Variants in MAPT observed in about 807,000 individuals in gnomAD.
MAPT encodes microtubule associated protein tau.
MAPT carries 34 observed loss-of-function variants against 67.9 expected under a neutral mutation model. That is an observed-to-expected ratio of 0.50 (90% CI 0.38 to 0.67). The LOEUF (loss-of-function observed/expected upper bound fraction) is 0.67. Among genes scored for constraint, MAPT ranks in the 30% least tolerant of loss-of-function variants. MAPT has a pLI of 0.00. For synonymous variants in MAPT, 456 were observed against 464.5 expected (o/e 0.98, Z 0.23); for missense variants, 881 against 1,115.2 (o/e 0.79, Z 2.99).
intron 1 of MAPT, among the ~76,000 whole-genome samples, chr17:45,935,339 G>A (rs1030957019): frequency 1.3e-5 from 2 of 152,016 alleles, no homozygotes; most frequent in African/African-American, 4.8e-5. Flanking sequence ...TCCTAATGCA[G>A]TCCTGGCCTC....
intron 1 of MAPT, among the ~76,000 whole-genome samples, chr17:45,907,303 A>G (rs62056809): frequency 0.14 from 21,720 of 151,902 alleles, 2,093 homozygotes; most frequent in Middle Eastern, 0.22. Flanking sequence ...CTCAGTGTCC[A>G]TCTTCCCCGA....
At chr17:46,006,979 TAAATA>T (rs755854723) in intron 9 of MAPT, among the ~76,000 whole-genome samples, 26,028 of 113,082 alleles carry the variant, frequency 0.23, 2,529 homozygotes, top group East Asian at 0.3. Flanking sequence ...TAAAATAAAA[TAAATA>T]AAATAAAATA....
rs967739144 is a variant in MAPT at position 45,984,168 on chromosome 17, C to T, written c.1351+238C>T. ...CCACTCTGCATGTCACCAGCACCCC[C>T]GCTCCGTGCTACCCACCTTGTTTGA... On this transcript the variant is annotated intron_variant, in intron 5 of 12. Coordinates refer to ENST00000262410, the MANE Select transcript of MAPT (RefSeq NM_001377265.1). 5.3e-5 allele frequency among the ~76,000 whole-genome samples: 8 copies of T among 152,236 alleles called. No individual in the cohort carries two copies. In the East Asian group the frequency reaches 9.7e-4, roughly 18 times the overall value.
At chr17:45,941,708 T>TTCCCTCCTTCCTTCCTTCCCCCCTTCCC (rs1568208194) in intron 1 of MAPT, among the ~76,000 whole-genome samples, 1 of 103,896 alleles carries the variant, frequency 9.6e-6, no homozygotes, top group Non-Finnish European at 1.9e-5. Context: ...CCTGCCTGCC[T>TTCCCTCCTTCCTTCCTTCCCCCCTTCCC]TCCTTCCTTC....
chr17:45,916,666 C>CCT (rs1290484192), intron 1 of MAPT, among the ~76,000 whole-genome samples: 3 of 152,206 alleles, frequency 2.0e-5, no homozygotes, highest in African/African-American at 7.2e-5. Context: ...GCAGGACCTC[C>CCT]CTTCTCCCCA....
At chr17:46,006,134 G>A (rs1044152782) in intron 9 of MAPT, among the ~76,000 whole-genome samples, 12 of 152,164 alleles carry the variant, frequency 7.9e-5, no homozygotes, top group South Asian at 6.2e-4. Context: ...TAGGTCAGGC[G>A]CTCCTGTGTT....
chr17:46,001,597 A>G (rs1598348084), intron 9 of MAPT, among the ~76,000 whole-genome samples: 1 of 152,372 alleles, frequency 6.6e-6, no homozygotes, highest in South Asian at 2.1e-4. Context: ...CAGGAGTTCA[A>G]GGTTGCAGTG....
chr17:45,946,598 T>TAAAAAAAAAAAAA (rs763910082), intron 1 of MAPT, among the ~76,000 whole-genome samples: 1 of 60,904 alleles, frequency 1.6e-5, no homozygotes, highest in Non-Finnish European at 3.0e-5. Context: ...GACTCTGTCT[T>TAAAAAAAAAAAAA]AAAAAAAAAA....
At chr17:45,983,995 C>A in intron 5 of MAPT, 65 bp downstream of exon 5, 1 of 1,396,384 alleles carries the variant, frequency 7.2e-7, no homozygotes, top group Middle Eastern at 1.9e-4. Flanking sequence ...GCTGCGGGCA[C>A]TGCCACTGAG....
chr17:45,978,403 C>T lies in MAPT; in HGVS notation c.249C>T (p.Pro83=). The change falls in exon 4 of 13, where the codon CCC becomes CCT. Residue 83 remains proline (P), a synonymous_variant. Transcript: ENST00000262410. ...EAEEAGIGDT[P]SLEDEAAGHV... is the part of the protein sequence containing the mutation. ...AAGAAGCAGGCATTGGAGACACCCC[C>T]AGCCTGGAAGACGAAGCTGCTGGTC... 1 of 1,613,836 alleles carries T rather than the reference C, an allele frequency of 6.2e-7. No individual in the cohort carries two copies. Among genetic ancestry groups the T allele is most frequent in the Non-Finnish European group, 8.5e-7 (1 of 1,179,988 alleles).
chr17:45,941,766 C>T (rs2068019081), intron 1 of MAPT, among the ~76,000 whole-genome samples: 1 of 145,450 alleles, frequency 6.9e-6, no homozygotes, highest in Admixed American at 7.2e-5. Context: ...TGGTATGTGA[C>T]TAATTTCTGT....
Position 45,954,570 on chromosome 17 carries a change from C to A in MAPT, c.-17-7751C>A, listed in dbSNP as rs187744151. Among the ~76,000 whole-genome samples, 308 of 152,314 alleles carry A rather than the reference C, an allele frequency of 2.0e-3. 1 individual carries two copies. The highest frequency in any genetic ancestry group is 3.2e-3 in the Non-Finnish European group (218 of 68,030). ...CCCAGGAAGTCGAGGCTGCAGTGAG[C>A]TGTGATGGCACCACTGCACCTCAGC... On this transcript the variant is annotated intron_variant, in intron 1 of 12. Coordinates refer to ENST00000262410, the MANE Select transcript of MAPT (RefSeq NM_001377265.1).
rs1201701317 is a variant in MAPT, at chr17:46,026,343, T to A, written c.*2172T>A. 6.6e-6 allele frequency: 1 copy of A among 152,670 alleles called. No individual in the cohort carries two copies. The highest frequency in any genetic ancestry group is 1.5e-5 in the Non-Finnish European group (1 of 68,114). 9.5% of individuals were successfully genotyped at this position (152,670 alleles called of 1,614,324 possible). On this transcript the variant is annotated 3_prime_UTR_variant, in exon 13 of 13. Transcript: ENST00000262410. ...CACAGGATTAGGACTGAAGCGATGA[T>A]GTCCCCTTCCCTACTTCCCCTTGGG... is the stretch of plus-strand genomic sequence containing the variant.
chr17:45,934,295 C>T (rs1056009241), intron 1 of MAPT, among the ~76,000 whole-genome samples: 34 of 152,250 alleles, frequency 2.2e-4, no homozygotes, highest in African/African-American at 7.0e-4. Context: ...GTTATTTTCA[C>T]GCCACTGCCC....
intron 9 of MAPT, among the ~76,000 whole-genome samples, chr17:46,000,097 C>T (rs1339821845): frequency 1.3e-5 from 2 of 152,112 alleles, no homozygotes; most frequent in Non-Finnish European, 2.9e-5. Flanking sequence ...AAATGTTTGG[C>T]TACAAAAGAG....
chr17:45,939,268 A>T (rs551135661), intron 1 of MAPT, among the ~76,000 whole-genome samples: 6 of 152,132 alleles, frequency 3.9e-5, no homozygotes, highest in Admixed American at 3.3e-4. Flanking sequence ...TTAAGAGAAG[A>T]TTTAATAATT....
In MAPT at chr17:45,915,477, G is replaced by GGGT; in HGVS notation, c.-18+20791_-18+20792insGGT. On this transcript the variant is annotated intron_variant, in intron 1 of 12. Transcript: ENST00000262410. The surrounding 1 kb of genome is among the most constrained non-coding windows in gnomAD (Gnocchi z 4.4). ...GTGTGTATGTTTGAGCATGTGTGGT[G>GGGT]TGTTGTGATATGTGTGTGGTGTGTG... Among the ~76,000 whole-genome samples, 2 of 150,582 alleles carry GGGT rather than the reference G, an allele frequency of 1.3e-5. No homozygotes were observed. The highest frequency in any genetic ancestry group is 2.4e-5 in the African/African-American group (1 of 40,968).
At chr17:45,909,378 C>G (rs2064582435) in intron 1 of MAPT, among the ~76,000 whole-genome samples, 1 of 152,178 alleles carries the variant, frequency 6.6e-6, no homozygotes, top group South Asian at 2.1e-4. Flanking sequence ...TTGGGACTAC[C>G]TGGCTTTCTG....
intron 1 of MAPT, among the ~76,000 whole-genome samples, chr17:45,954,708 T>C (rs966409840): frequency 6.6e-6 from 1 of 151,854 alleles, no homozygotes; most frequent in Non-Finnish European, 1.5e-5. Flanking sequence ...TGGCCGGGCA[T>C]GGTGGCTCAC....
Sources: gnomAD v4.1 joint callset for allele counts (sites outside exome capture counted in the v4.1 genomes callset) on GRCh38, gnomAD v4.1.1 for gene constraint, Gnocchi (gnomAD v3.1) non-coding constraint, MANE v1.5 for transcripts, NCBI Gene and HGNC (gene_info 2026-07-23, HGNC 2026-07-21) for gene names.